Variants in KIAA0825 observed in about 807,000 individuals in gnomAD.
The protein encoded by KIAA0825 is uncharacterized protein KIAA0825.
Under a neutral mutation model 147.6 loss-of-function variants are expected in KIAA0825, and 119 were observed. The observed-to-expected ratio is 0.81, with a 90% CI of 0.69 to 0.94. The LOEUF is 0.94. KIAA0825 is among the 40% of genes least tolerant of loss of function. The probability of loss-of-function intolerance (pLI) is 0.00; values close to 1 mark genes in which losing one functional copy is unlikely to be tolerated. For synonymous variants in KIAA0825, 470 were observed against 518.1 expected (o/e 0.91, Z 1.26); for missense variants, 1,381 against 1,472.7 (o/e 0.94, Z 1.02).
chr5:94,266,126 G>GTTT (rs1191967045), intron 20 of KIAA0825, among the ~76,000 whole-genome samples: 1 of 152,164 alleles, frequency 6.6e-6, no homozygotes, highest in Admixed American at 6.5e-5. Context: ...TAGTAAAACT[G>GTTT]TCATTTCAAG....
At chr5:94,458,255 T>C (rs534493156) in intron 12 of KIAA0825, among the ~76,000 whole-genome samples, 1 of 152,282 alleles carries the variant, frequency 6.6e-6, no homozygotes, top group African/African-American at 2.4e-5. Flanking sequence ...AAAATAACTC[T>C]TTGAGGTTAG....
chr5:94,407,949 G>A (rs1181407225), intron 15 of KIAA0825, among the ~76,000 whole-genome samples: 5 of 152,174 alleles, frequency 3.3e-5, no homozygotes, highest in Non-Finnish European at 7.3e-5. Context: ...GGGGTCAGAA[G>A]ACTTTTTCTG....
intron 20 of KIAA0825, among the ~76,000 whole-genome samples, chr5:94,254,919 G>A (rs1776163524): frequency 6.6e-6 from 1 of 152,056 alleles, no homozygotes; most frequent in Non-Finnish European, 1.5e-5. Flanking sequence ...AAAAGGCACA[G>A]TGAGTCAAGG....
chr5:94,592,645 G>A, intron 1 of KIAA0825: 1 of 258,364 alleles, frequency 3.9e-6, no homozygotes, highest in Non-Finnish European at 7.5e-6. Flanking sequence ...CATTGGAATG[G>A]GTTTACAGTT....
At chr5:94,289,949 A>C (rs961466628) in intron 20 of KIAA0825, among the ~76,000 whole-genome samples, 7 of 151,996 alleles carry the variant, frequency 4.6e-5, no homozygotes, top group African/African-American at 1.7e-4. Flanking sequence ...TCAAAAGGAC[A>C]ATCATTTGGT....
At chr5:94,570,117 C>T (rs1353773141) in intron 2 of KIAA0825, 1 of 152,430 alleles carries the variant, frequency 6.6e-6, no homozygotes, top group Non-Finnish European at 1.5e-5. Context: ...ACAGCCTTAA[C>T]AACCCTACAC....
intron 20 of KIAA0825, among the ~76,000 whole-genome samples, chr5:94,182,250 C>CTTTGTTTTTTTTT (rs1769703057): frequency 2.6e-5 from 1 of 38,276 alleles, no homozygotes; most frequent in African/African-American, 1.1e-4. Flanking sequence ...AATGTCCCTT[C>CTTTGTTTTTTTTT]TTTTTTTTTT....
rs576036851 is a variant in KIAA0825 at position 94,382,098 on chromosome 5, A to C, written c.3710+2270T>G. Reference sequence around the variant, plus strand: ...TATATTACCAATAAAAGGAGCAAAAAGAGAAAAAGTGACTCATTTAATTGG... The same window carrying C: ...TATATTACCAATAAAAGGAGCAAAACGAGAAAAAGTGACTCATTTAATTGG... On this transcript the variant is annotated intron_variant, in intron 20 of 20. Coordinates refer to ENST00000682413, the MANE Select transcript of KIAA0825 (RefSeq NM_001145678.3). 6.6e-5 allele frequency among the ~76,000 whole-genome samples: 10 copies of C among 152,364 alleles called. No homozygotes were observed. In the South Asian group the frequency reaches 2.1e-3, roughly 32 times the overall value.
At chr5:94,477,291 T>G in intron 6 of KIAA0825, 86 bp from the exon 7 acceptor site, 1 of 875,562 alleles carries the variant, frequency 1.1e-6, no homozygotes, top group Non-Finnish European at 1.8e-6. Flanking sequence ...AGGTAAATAT[T>G]AACTACGTAG....
At chr5:94,343,846 A>T (rs967036618) in intron 20 of KIAA0825, among the ~76,000 whole-genome samples, 1 of 152,202 alleles carries the variant, frequency 6.6e-6, no homozygotes, top group African/African-American at 2.4e-5. Context: ...CATAGAAAAA[A>T]TAGGCAGGAG....
intron 20 of KIAA0825, among the ~76,000 whole-genome samples, chr5:94,230,244 G>A (rs1424414414): frequency 2.6e-5 from 4 of 152,136 alleles, no homozygotes; most frequent in African/African-American, 9.7e-5. Context: ...GGACAAGGGG[G>A]CAGATATTCA....
intron 8 of KIAA0825, among the ~76,000 whole-genome samples, chr5:94,472,295 A>T (rs1049547501): frequency 2.0e-5 from 3 of 152,116 alleles, no homozygotes; most frequent in African/African-American, 7.2e-5. Context: ...TTTATTATGT[A>T]TCTTCTCTTC....
chr5:94,554,250 CT>C (rs758092945), intron 2 of KIAA0825, among the ~76,000 whole-genome samples: 1 of 152,132 alleles, frequency 6.6e-6, no homozygotes, highest in Non-Finnish European at 1.5e-5. Flanking sequence ...ACTCAGACAT[CT>C]TTATGGCATG....
intron 20 of KIAA0825, among the ~76,000 whole-genome samples, chr5:94,223,056 A>G (rs1429233148): frequency 6.6e-6 from 1 of 152,182 alleles, no homozygotes; most frequent in African/African-American, 2.4e-5. Context: ...TTCATCCTAC[A>G]TAATTACAAC....
At chr5:94,422,564 C>A (rs947707450) in intron 14 of KIAA0825, among the ~76,000 whole-genome samples, 1 of 152,120 alleles carries the variant, frequency 6.6e-6, no homozygotes, top group Admixed American at 6.6e-5. Flanking sequence ...CAGCCATGAA[C>A]CTTGCAATGG....
chr5:94,480,024 G>A (rs1206125375), intron 6 of KIAA0825, among the ~76,000 whole-genome samples: 1 of 151,912 alleles, frequency 6.6e-6, no homozygotes, highest in East Asian at 1.9e-4. Context: ...TTTTTTCTTA[G>A]TTTGTGGCTT....
chr5:94,600,298 T>A (rs1049894547), intron 1 of KIAA0825, among the ~76,000 whole-genome samples: 3 of 152,252 alleles, frequency 2.0e-5, no homozygotes, highest in Non-Finnish European at 4.4e-5. Flanking sequence ...TTCTTCCCTG[T>A]CCCATCAGTG....
chr5:94,558,939 C>T (rs760162005), intron 2 of KIAA0825, among the ~76,000 whole-genome samples: 19 of 152,192 alleles, frequency 1.2e-4, no homozygotes, highest in Non-Finnish European at 2.5e-4. Context: ...ATTATTAGAT[C>T]ATAGCCTTTT....
At chr5:94,476,998 TTATTTTTTTGTA>T in intron 7 of KIAA0825, 101 bp downstream of exon 7, 2 of 784,050 alleles carry the variant, frequency 2.6e-6, no homozygotes, top group Middle Eastern at 5.8e-4. Flanking sequence ...AATTGAAAAA[TTATTTTTTTGTA>T]GCAAAGGGTA....
Sources: allele counts gnomAD v4.1 joint callset (sites outside exome capture counted in the v4.1 genomes callset), GRCh38; gene constraint gnomAD v4.1.1; transcripts MANE v1.5; gene names NCBI Gene and HGNC (gene_info 2026-07-23, HGNC 2026-07-21).